The following KSR2 variants were observed in gnomAD, a reference collection of about 807,000 sequenced individuals.
KSR2 encodes kinase suppressor of ras 2.
KSR2 carries 25 observed loss-of-function variants against 107.8 expected under a neutral mutation model. That is an observed-to-expected ratio of 0.23 (90% CI 0.17 to 0.32). The LOEUF is 0.32. Among genes scored for constraint, KSR2 ranks in the 10% least tolerant of loss-of-function variants. The pLI is 1.00. For synonymous variants in KSR2, 480 were observed against 507.0 expected (o/e 0.95, Z 0.71); for missense variants, 887 against 1,268.9 (o/e 0.70, Z 4.57).
chr12:117,925,579 C>T (rs1895490503), intron 1 of KSR2, among the ~76,000 whole-genome samples: 1 of 152,096 alleles, frequency 6.6e-6, no homozygotes, highest in Admixed American at 6.6e-5. Flanking sequence ...TGGTATTTTA[C>T]ATAATAATAA....
At chr12:117,957,579 G>A (rs1896550638) in intron 1 of KSR2, among the ~76,000 whole-genome samples, 1 of 152,112 alleles carries the variant, frequency 6.6e-6, no homozygotes, top group Non-Finnish European at 1.5e-5. Flanking sequence ...GGACCACATG[G>A]GTGGAAGCCC....
At chr12:117,658,127 CAG>C (rs1328371758) in intron 5 of KSR2, among the ~76,000 whole-genome samples, 2 of 152,278 alleles carry the variant, frequency 1.3e-5, no homozygotes, top group East Asian at 3.9e-4. Flanking sequence ...TGTGACGGGG[CAG>C]AGAGAGAAAA....
chr12:117,746,278 C>T (rs1056784500), intron 4 of KSR2, among the ~76,000 whole-genome samples: 1 of 152,110 alleles, frequency 6.6e-6, no homozygotes, highest in African/African-American at 2.4e-5. Context: ...AATAATACCA[C>T]ACATCTATAA....
chr12:117,483,231 G>A (rs1000456904), intron 16 of KSR2, among the ~76,000 whole-genome samples: 1 of 152,048 alleles, frequency 6.6e-6, no homozygotes, highest in African/African-American at 2.4e-5. Flanking sequence ...AGAAACAAGC[G>A]CCTGTTTGGT....
intron 1 of KSR2, among the ~76,000 whole-genome samples, chr12:117,884,330 A>C (rs1207954214): frequency 2.0e-5 from 3 of 152,184 alleles, no homozygotes; most frequent in Non-Finnish European, 4.4e-5. Flanking sequence ...TGAGAATGAG[A>C]ATGAGACCTT....
intron 5 of KSR2, among the ~76,000 whole-genome samples, chr12:117,598,527 T>C (rs572111041): frequency 7.9e-5 from 12 of 152,368 alleles, no homozygotes; most frequent in African/African-American, 2.9e-4. Flanking sequence ...TTTAGTTCTT[T>C]AAGGAATCTC....
chr12:117,560,701 C>T (rs1357308319), intron 7 of KSR2, among the ~76,000 whole-genome samples: 1 of 152,170 alleles, frequency 6.6e-6, no homozygotes, highest in Non-Finnish European at 1.5e-5. Context: ...GGAAGTGGAC[C>T]TAGTGGAAAG....
chr12:117,562,167 T>C (rs2137364158), intron 7 of KSR2, among the ~76,000 whole-genome samples: 1 of 149,886 alleles, frequency 6.7e-6, no homozygotes, highest in African/African-American at 2.5e-5. Context: ...ACAAGTGTGG[T>C]GAGTTCAAGG....
intron 1 of KSR2, chr12:117,891,107 A>G (rs1208391576): frequency 6.6e-6 from 1 of 152,122 alleles, no homozygotes; most frequent in Non-Finnish European, 1.5e-5. Context: ...CTAGACAATA[A>G]CCCCTTTATT....
In KSR2 at chr12:117,458,209, T is replaced by C. The variant is rs1361657855; in HGVS notation, c.*8990A>G. ...CACTGAATTCCAGACAAACCCAGAA[T>C]GCCAGCATCTGTGTGAGGACACAAA... is the stretch of plus-strand genomic sequence containing the variant. On this transcript the variant is annotated 3_prime_UTR_variant, in exon 20 of 20. Coordinates refer to ENST00000339824, the MANE Select transcript of KSR2 (RefSeq NM_173598.6). The C allele has an allele frequency of 6.6e-6, 1 of 152,202 alleles. No homozygotes were observed. The highest frequency in any genetic ancestry group is 1.9e-4 in the East Asian group (1 of 5,190). The allele number at this position is 152,202 out of a possible 1,614,324, so 9.4% of individuals were successfully genotyped here.
At chr12:117,468,727 G>A (rs1208098939) in intron 19 of KSR2, among the ~76,000 whole-genome samples, 1 of 152,198 alleles carries the variant, frequency 6.6e-6, no homozygotes, top group Non-Finnish European at 1.5e-5. Flanking sequence ...CATGTACCAT[G>A]TAATGTGATT....
In KSR2 at chr12:117,732,568, G is replaced by A. The variant is rs561412293; in HGVS notation, c.986+28443C>T. ...GCCTTCCAAACTGCTGGGATTACAG[G>A]TGTGAGCCACAGCGCCTGGCCCTGA... On this transcript the variant is annotated intron_variant, in intron 4 of 19. Transcript: ENST00000339824. Among the ~76,000 whole-genome samples the A allele has an allele frequency of 2.6e-5, 4 of 152,268 alleles. No homozygotes were observed. In the South Asian group the frequency reaches 6.2e-4, roughly 24 times the overall value.
At chr12:117,619,502 G>C (rs1007167765) in intron 5 of KSR2, among the ~76,000 whole-genome samples, 1 of 151,572 alleles carries the variant, frequency 6.6e-6, no homozygotes, top group African/African-American at 2.4e-5. Flanking sequence ...GAGAATGATG[G>C]CTTCCATCTT....
At chr12:117,674,042 G>A (rs1159383217) in intron 4 of KSR2, among the ~76,000 whole-genome samples, 2 of 152,130 alleles carry the variant, frequency 1.3e-5, no homozygotes, top group Non-Finnish European at 2.9e-5. Context: ...TCTGTGTTAG[G>A]GAAAGACACT....
intron 1 of KSR2, among the ~76,000 whole-genome samples, 171 bp downstream of exon 1, chr12:117,967,905 A>G (rs527418841): frequency 6.6e-6 from 1 of 152,060 alleles, no homozygotes; most frequent in South Asian, 2.1e-4. Flanking sequence ...CTTTGCAAGG[A>G]GAGAAATCAC....
chr12:117,658,768 G>C (rs1395733611), intron 5 of KSR2, among the ~76,000 whole-genome samples: 1 of 152,074 alleles, frequency 6.6e-6, no homozygotes, highest in Non-Finnish European at 1.5e-5. Context: ...TGGGGAGGAG[G>C]GTAAATTTGG....
intron 7 of KSR2, among the ~76,000 whole-genome samples, chr12:117,561,387 T>C (rs1203399644): frequency 6.6e-6 from 1 of 152,220 alleles, no homozygotes; most frequent in Non-Finnish European, 1.5e-5. Flanking sequence ...TTAGGTAATA[T>C]CCTGAGTGCT....
At chr12:117,959,605 C>A (rs753910573) in intron 1 of KSR2, among the ~76,000 whole-genome samples, 1 of 152,054 alleles carries the variant, frequency 6.6e-6, no homozygotes, top group African/African-American at 2.4e-5. Context: ...AAAAATATAA[C>A]CCCTGGTTCA....
Position 117,968,538 on chromosome 12 carries a change from T to C in KSR2, c.-283A>G. On this transcript the variant is annotated 5_prime_UTR_variant, in exon 1 of 20. Coordinates refer to ENST00000339824, the MANE Select transcript of KSR2 (RefSeq NM_173598.6). ...CCCTGAAAAGGAGAGATGCTGTTTC[T>C]CAGAAGCAAACCAGGTGATGTGATG... is the stretch of plus-strand genomic sequence containing the variant. 2.5e-6 allele frequency: 3 copies of C among 1,194,054 alleles called. No homozygotes were observed. The highest frequency in any genetic ancestry group is 3.1e-6 in the Non-Finnish European group (3 of 962,446). 74.0% of individuals were successfully genotyped at this position (1,194,054 alleles called of 1,614,324 possible).
Sources: allele counts gnomAD v4.1 joint callset (sites outside exome capture counted in the v4.1 genomes callset), GRCh38; gene constraint gnomAD v4.1.1; transcripts MANE v1.5; gene names NCBI Gene and HGNC (gene_info 2026-07-23, HGNC 2026-07-21).